The following RYR3 variants were observed in gnomAD, a reference collection of about 807,000 sequenced individuals.
RYR3 encodes ryanodine receptor 3, also known as brain ryanodine receptor-calcium release channel.
Under a neutral mutation model 584.3 loss-of-function variants are expected in RYR3, and 207 were observed. That is an observed-to-expected ratio of 0.35 (90% CI 0.32 to 0.40). RYR3 has a LOEUF of 0.40. RYR3 is among the 10% of genes least tolerant of loss of function. RYR3 has a pLI of 1.00. For synonymous variants in RYR3, 2,416 were observed against 2,248.5 expected, an observed-to-expected ratio of 1.07 and a Z score of -2.11; for missense variants, 5,616 against 6,089.2, an observed-to-expected ratio of 0.92 and a Z score of 2.59.
chr15:33,347,535 C>T (rs1317598116), intron 1 of RYR3, among the ~76,000 whole-genome samples: 1 of 151,812 alleles, frequency 6.6e-6, no homozygotes, highest in African/African-American at 2.4e-5. Context: ...CAAGCTCCGC[C>T]TCCCGGGGTC....
At chr15:33,613,708 C>A (rs1314715132) in intron 19 of RYR3, among the ~76,000 whole-genome samples, 1 of 152,150 alleles carries the variant, frequency 6.6e-6, no homozygotes, top group Non-Finnish European at 1.5e-5. Flanking sequence ...TAAAAATCAC[C>A]TATGATTCCA....
At chr15:33,394,291 G>A (rs966389791) in intron 1 of RYR3, among the ~76,000 whole-genome samples, 4 of 152,170 alleles carry the variant, frequency 2.6e-5, no homozygotes, top group African/African-American at 9.7e-5. Flanking sequence ...TTATTACAGG[G>A]TACACAAGCT....
intron 16 of RYR3, among the ~76,000 whole-genome samples, chr15:33,588,277 T>C (rs1386116515): frequency 1.3e-5 from 2 of 152,204 alleles, no homozygotes; most frequent in Non-Finnish European, 2.9e-5. Flanking sequence ...AGCTAATTAA[T>C]GACAGACTAG....
rs371955540 is a variant in RYR3 at position 33,543,720 on chromosome 15, G to C, written c.740+5G>C. 1.3e-6 allele frequency: 2 copies of C among 1,565,462 alleles called. No individual in the cohort carries two copies. Among genetic ancestry groups the C allele is most frequent in the African/African-American group, 2.7e-5 (2 of 74,036 alleles). On this transcript the variant is annotated splice_donor_5th_base_variant and intron_variant, in intron 8 of 103. Coordinates refer to ENST00000634891, the MANE Select transcript of RYR3 (RefSeq NM_001036.6). Reference sequence around the variant, plus strand: ...CCAGAATGATTCCCAGCACAGGTAAGTCAGTAGCTGCATTCTTCCACTAGC... The same window carrying C: ...CCAGAATGATTCCCAGCACAGGTAACTCAGTAGCTGCATTCTTCCACTAGC...
chr15:33,504,192 G>A (rs1163150994), intron 3 of RYR3, among the ~76,000 whole-genome samples: 1 of 152,166 alleles, frequency 6.6e-6, no homozygotes, highest in African/African-American at 2.4e-5. Flanking sequence ...TTTGACATGT[G>A]TCCAGAACTT....
chr15:33,708,705 G>A (rs1372600807), intron 43 of RYR3, among the ~76,000 whole-genome samples: 1 of 152,162 alleles, frequency 6.6e-6, no homozygotes. Flanking sequence ...AATAGCACTT[G>A]AATATAAAAT....
intron 102 of RYR3, among the ~76,000 whole-genome samples, chr15:33,861,877 G>A (rs946099730): frequency 2.0e-5 from 3 of 151,924 alleles, no homozygotes; most frequent in Non-Finnish European, 2.9e-5. Context: ...TGCCTGCCTC[G>A]GCCTCTCAGT....
chr15:33,410,007 C>T (rs1469284888), intron 1 of RYR3, among the ~76,000 whole-genome samples: 5 of 152,134 alleles, frequency 3.3e-5, no homozygotes, highest in Admixed American at 2.0e-4. Flanking sequence ...GGCATAAACC[C>T]CAAAGAACAT....
At chr15:33,579,446 A>G (rs1009032269) in intron 12 of RYR3, among the ~76,000 whole-genome samples, 2 of 122,576 alleles carry the variant, frequency 1.6e-5, no homozygotes, top group Non-Finnish European at 3.6e-5. Context: ...CCACCTTAGG[A>G]TTAATCAATG....
intron 18 of RYR3, among the ~76,000 whole-genome samples, chr15:33,610,816 G>GTAATTTTTTACAAAATTTTTAA (rs1341708307): frequency 3.9e-5 from 6 of 152,254 alleles, no homozygotes; most frequent in Non-Finnish European, 7.4e-5. Context: ...AAGCCTGAAG[G>GTAATTTTTTACAAAATTTTTAA]TAATTTTTTA....
chr15:33,381,574 C>T (rs2141195088), intron 1 of RYR3, among the ~76,000 whole-genome samples: 1 of 152,272 alleles, frequency 6.6e-6, no homozygotes, highest in East Asian at 1.9e-4. Context: ...CCTGCCCTGA[C>T]CACTCTTCTC....
intron 1 of RYR3, among the ~76,000 whole-genome samples, chr15:33,356,856 G>A (rs546270669): frequency 4.6e-5 from 7 of 152,142 alleles, no homozygotes; most frequent in African/African-American, 1.7e-4. Context: ...GTAAATCACA[G>A]GTAGTAATAA....
Position 33,566,650 on chromosome 15 carries a change from G to C in RYR3, c.1147-28G>C, listed in dbSNP as rs546475998. The C allele has an allele frequency of 8.7e-6, 14 of 1,612,684 alleles. No homozygotes were observed. The South Asian group carries it at 1.3e-4, about 15-fold the overall frequency. On this transcript the variant is annotated intron_variant, in intron 11 of 103. Transcript: ENST00000634891. ...CCATATGTGGAATAATTGTAACCTA[G>C]AGCTCCCGTCCCTTGCCCTGTGGGT... is the stretch of plus-strand genomic sequence containing the variant.
At chr15:33,371,054 A>G (rs139535893) in intron 1 of RYR3, among the ~76,000 whole-genome samples, 3 of 152,348 alleles carry the variant, frequency 2.0e-5, no homozygotes, top group African/African-American at 7.2e-5. Context: ...GGCCCAAGAC[A>G]AATCATTATT....
chr15:33,675,738 G>A (rs527629025), intron 38 of RYR3, among the ~76,000 whole-genome samples: 4 of 152,264 alleles, frequency 2.6e-5, no homozygotes, highest in Admixed American at 6.5e-5. Flanking sequence ...TATAGTAAGC[G>A]CTTAATTTTA....
chr15:33,435,166 G>A (rs190634984), intron 1 of RYR3, among the ~76,000 whole-genome samples: 13 of 152,104 alleles, frequency 8.5e-5, no homozygotes, highest in Admixed American at 7.9e-4. Context: ...TGTTATTATA[G>A]GTAAATTTGT....
intron 2 of RYR3, among the ~76,000 whole-genome samples, chr15:33,488,484 T>C (rs1157849455): frequency 6.6e-6 from 1 of 151,438 alleles, no homozygotes; most frequent in Non-Finnish European, 1.5e-5. Context: ...AGAACATCTC[T>C]TTTCTAGGTG....
At chr15:33,449,951 A>G (rs1021587957) in intron 1 of RYR3, among the ~76,000 whole-genome samples, 4 of 152,140 alleles carry the variant, frequency 2.6e-5, no homozygotes, top group Admixed American at 6.5e-5. Context: ...AATACCCAAA[A>G]GGAAAGTTAA....
At chr15:33,378,688 G>A (rs574082613) in intron 1 of RYR3, among the ~76,000 whole-genome samples, 102 of 152,372 alleles carry the variant, frequency 6.7e-4, no homozygotes, top group African/African-American at 2.4e-3. Context: ...TTAAGGCCAT[G>A]TGCAGTGGCT....
Sources: gnomAD v4.1 joint callset for allele counts (sites outside exome capture counted in the v4.1 genomes callset) on GRCh38, gnomAD v4.1.1 for gene constraint, MANE v1.5 for transcripts, NCBI Gene and HGNC (gene_info 2026-07-23, HGNC 2026-07-21) for gene names.